XIRP2: variants seen among roughly 807,000 people sequenced by gnomAD.
The protein encoded by XIRP2 is xin actin binding repeat containing 2.
A neutral mutation model predicts 277.0 loss-of-function variants in XIRP2; 236 were observed. The ratio of observed to expected loss-of-function variants is 0.85; its 90% confidence interval spans 0.77 to 0.95. The LOEUF (loss-of-function observed/expected upper bound fraction) is 0.95. XIRP2 is among the 40% of genes least tolerant of loss of function. XIRP2 has a pLI of 0.00. For missense variants in XIRP2, 4,640 were observed against 4,157.5 expected, an observed-to-expected ratio of 1.12 and a Z score of -3.19; for synonymous variants, 1,490 against 1,416.5, an observed-to-expected ratio of 1.05 and a Z score of -1.17.
At chr2:167,117,763 T>TTTC (rs1425679720) in intron 2 of XIRP2, among the ~76,000 whole-genome samples, 2 of 152,266 alleles carry the variant, frequency 1.3e-5, no homozygotes, top group African/African-American at 4.8e-5. Context: ...CTCCAAGGAA[T>TTTC]TTCTGCCTTT....
chr2:167,181,040 A>G (rs1365730838), intron 3 of XIRP2, among the ~76,000 whole-genome samples: 3 of 152,222 alleles, frequency 2.0e-5, no homozygotes, highest in Admixed American at 2.0e-4. Flanking sequence ...GGTACAAACC[A>G]TGAAATATTA....
intron 2 of XIRP2, among the ~76,000 whole-genome samples, chr2:167,127,785 G>A (rs115175175): frequency 0.014 from 2,099 of 152,258 alleles, 56 homozygotes; most frequent in African/African-American, 0.049. Flanking sequence ...CATTTTTAAA[G>A]CCAGAGAACC....
Position 167,242,894 on chromosome 2 carries a change from T to G in XIRP2, c.1502T>G (p.Leu501Ter), listed in dbSNP as rs767838640. ...KQRNLYELNRLYKHIHPELRK... is the reference protein window; with the variant it reads ...KQRNLYELNR Reference sequence around the variant, plus strand: ...AGAAATTTGTATGAATTAAACCGTTTATATAAACACATCCATCCTGAGTTA... The same window carrying G: ...AGAAATTTGTATGAATTAAACCGTTGATATAAACACATCCATCCTGAGTTA... The change falls in exon 9 of 11, where the codon TTA becomes TGA. Residue 501 changes from leucine (L) to a stop codon, truncating the protein, a stop_gained. Coordinates refer to ENST00000409195, the MANE Select transcript of XIRP2 (RefSeq NM_152381.6). LOFTEE classifies it high-confidence loss of function. 1 of 1,614,064 alleles carries G rather than the reference T, an allele frequency of 6.2e-7. No individual in the cohort carries two copies. Among genetic ancestry groups the G allele is most frequent in the Non-Finnish European group, 8.5e-7 (1 of 1,179,964 alleles).
At chr2:166,903,296 C>T (rs1344663965) in intron 1 of XIRP2, among the ~76,000 whole-genome samples, 169 bp from the exon 2 acceptor site, 2 of 152,142 alleles carry the variant, frequency 1.3e-5, no homozygotes, top group South Asian at 2.1e-4. Flanking sequence ...ACTTACATAA[C>T]GTTGTGGGGT....
chr2:167,159,701 C>T (rs551309911), intron 3 of XIRP2, among the ~76,000 whole-genome samples: 1 of 152,146 alleles, frequency 6.6e-6, no homozygotes, highest in Non-Finnish European at 1.5e-5. Flanking sequence ...ATAAAAGGAA[C>T]TTACTCATAT....
chr2:166,951,764 A>G (rs779559760), intron 2 of XIRP2, among the ~76,000 whole-genome samples: 19 of 151,992 alleles, frequency 1.3e-4, no homozygotes, highest in Non-Finnish European at 1.2e-4. Flanking sequence ...TTCTACTCTC[A>G]TCTTCTGCAA....
chr2:167,022,598 C>G (rs182191372), intron 2 of XIRP2, among the ~76,000 whole-genome samples: 2 of 152,086 alleles, frequency 1.3e-5, no homozygotes, highest in East Asian at 1.9e-4. Context: ...ATCCCTCCCC[C>G]CTACCCCCAC....
chr2:167,125,780 G>T (rs565677836), intron 2 of XIRP2, among the ~76,000 whole-genome samples: 1 of 152,048 alleles, frequency 6.6e-6, no homozygotes, highest in African/African-American at 2.4e-5. Context: ...TCCAAAATTT[G>T]GTTATTTAAT....
intron 2 of XIRP2, among the ~76,000 whole-genome samples, chr2:166,913,110 A>T (rs1684758388): frequency 6.6e-6 from 1 of 152,110 alleles, no homozygotes; most frequent in Non-Finnish European, 1.5e-5. Flanking sequence ...GTGCTGGGAG[A>T]ACCACTACTC....
intron 2 of XIRP2, among the ~76,000 whole-genome samples, chr2:166,942,861 T>G (rs1307495238): frequency 1.3e-5 from 2 of 152,168 alleles, no homozygotes; most frequent in Non-Finnish European, 2.9e-5. Flanking sequence ...CTGCCATAAG[T>G]GTTAAAAATA....
chr2:167,005,179 G>A (rs1422017610), intron 2 of XIRP2, among the ~76,000 whole-genome samples: 2 of 151,844 alleles, frequency 1.3e-5, no homozygotes, highest in Non-Finnish European at 2.9e-5. Context: ...TTTTCTGAGA[G>A]TCCCACTGCA....
Position 167,245,673 on chromosome 2 carries a change from T to C in XIRP2, c.4281T>C (p.Ser1427=), listed in dbSNP as rs764344686. ...NVKTSRQFFE[S]ENFDKNNYIR... is the part of the protein sequence containing the mutation. ...AGACAAGTAGACAATTCTTTGAGTC[T>C]GAAAATTTTGATAAGAATAACTATA... The change falls in exon 9 of 11, where the codon TCT becomes TCC. Residue 1427 remains serine (S), a synonymous_variant. Coordinates refer to ENST00000409195, the MANE Select transcript of XIRP2 (RefSeq NM_152381.6). 1.2e-6 allele frequency: 2 copies of C among 1,613,586 alleles called. No homozygotes were observed. The highest frequency in any genetic ancestry group is 2.2e-5 in the South Asian group (2 of 91,066).
chr2:166,948,303 G>C (rs540877751), intron 2 of XIRP2, among the ~76,000 whole-genome samples: 10 of 152,218 alleles, frequency 6.6e-5, no homozygotes, highest in African/African-American at 1.9e-4. Flanking sequence ...GAGCAGGGCT[G>C]TGTATGTGTG....
At chr2:166,896,822 A>G (rs1276854574) in intron 1 of XIRP2, among the ~76,000 whole-genome samples, 1 of 152,154 alleles carries the variant, frequency 6.6e-6, no homozygotes, top group East Asian at 1.9e-4. Context: ...TCCATTAATG[A>G]TAAGTTCCCC....
chr2:167,113,937 T>C (rs1690827495), intron 2 of XIRP2, among the ~76,000 whole-genome samples: 1 of 152,208 alleles, frequency 6.6e-6, no homozygotes, highest in Non-Finnish European at 1.5e-5. Context: ...ATTGGAATTT[T>C]TTTTCTTTAA....
At chr2:167,133,376 TC>T in intron 2 of XIRP2, among the ~76,000 whole-genome samples, 1 of 152,276 alleles carries the variant, frequency 6.6e-6, no homozygotes, top group South Asian at 2.1e-4. Context: ...AGAGCTTGCC[TC>T]AGAATGACTT....
At chr2:167,212,189 T>A (rs1007827157) in intron 4 of XIRP2, among the ~76,000 whole-genome samples, 15 of 152,202 alleles carry the variant, frequency 9.9e-5, no homozygotes, top group African/African-American at 3.6e-4. Flanking sequence ...AGTATCTAGA[T>A]CACTTCCAAA....
intron 2 of XIRP2, among the ~76,000 whole-genome samples, chr2:167,023,845 T>A (rs1340351395): frequency 1.3e-5 from 2 of 152,172 alleles, no homozygotes; most frequent in Non-Finnish European, 2.9e-5. Flanking sequence ...ACCATGCTGT[T>A]TTGGTTACTG....
At chr2:167,255,026 C>G (rs1695619410) in intron 10 of XIRP2, among the ~76,000 whole-genome samples, 1 of 151,352 alleles carries the variant, frequency 6.6e-6, no homozygotes, top group South Asian at 2.1e-4. Context: ...TCCATAACAA[C>G]AGAGTATAAT....
Sources: gnomAD v4.1 joint callset for allele counts (sites outside exome capture counted in the v4.1 genomes callset) on GRCh38, gnomAD v4.1.1 for gene constraint, MANE v1.5 for transcripts, NCBI Gene and HGNC (gene_info 2026-07-23, HGNC 2026-07-21) for gene names.